DOCK1: variants seen among roughly 807,000 people sequenced by gnomAD.
DOCK1 encodes dedicator of cytokinesis protein 1.
A neutral mutation model predicts 262.7 loss-of-function variants in DOCK1; 138 were observed. That is an observed-to-expected ratio of 0.53 (90% CI 0.46 to 0.61). DOCK1 has a LOEUF of 0.61. Ranked by LOEUF, DOCK1 falls within the 20% of genes least tolerant of loss-of-function variation. The probability of loss-of-function intolerance (pLI) is 0.00; values close to 1 mark genes in which losing one functional copy is unlikely to be tolerated. For missense variants in DOCK1, 1,908 were observed against 2,370.7 expected, an observed-to-expected ratio of 0.80 and a Z score of 4.05; for synonymous variants, 866 against 867.4, an observed-to-expected ratio of 1.00 and a Z score of 0.03.
In DOCK1 at chr10:127,165,644, A is replaced by C. The variant is rs72834691; in HGVS notation, c.2847+37880A>C. On this transcript the variant is annotated intron_variant, in intron 27 of 51. Coordinates refer to ENST00000623213, the MANE Select transcript of DOCK1 (RefSeq NM_001290223.2). ...TGTTGTTCACATGGATGTGGACATC[A>C]ATATGAGGAAGGAAGAGCCAGACAG... Among the ~76,000 whole-genome samples the C allele has an allele frequency of 2.1e-3, 319 of 152,282 alleles. 2 individuals carry two copies. Among genetic ancestry groups the C allele is most frequent in the Non-Finnish European group, 3.9e-3 (264 of 68,018 alleles).
chr10:127,433,399 C>G lies in DOCK1; in HGVS notation c.5031C>G (p.Asp1677Glu), dbSNP rs753753747. Residue 1677 changes from aspartate (D) to glutamate (E), a missense_variant, in exon 48 of 52, where the codon GAC becomes GAG. Physicochemically the swap from Asp to Glu is conservative, Grantham distance 45. Transcript: ENST00000623213. ...SVASVSSLSS[D>E]STPSRPGSDG... is the part of the protein sequence containing the mutation. Reference sequence around the variant, plus strand: ...CCTCTGTCTCTTCCCTCTCATCGGACAGCACCCCTTCCAGACCAGGCTCCG... The same window carrying G: ...CCTCTGTCTCTTCCCTCTCATCGGAGAGCACCCCTTCCAGACCAGGCTCCG... The G allele has an allele frequency of 1.2e-6, 2 of 1,614,006 alleles. No homozygotes were observed. The highest frequency in any genetic ancestry group is 1.7e-6 in the Non-Finnish European group (2 of 1,179,898).
intron 4 of DOCK1, among the ~76,000 whole-genome samples, chr10:126,983,944 T>A (rs61875509): frequency 0.21 from 32,198 of 152,168 alleles, 3,827 homozygotes; most frequent in Middle Eastern, 0.34. Context: ...CCTCTGCCTC[T>A]GGAGCTCCAC....
chr10:127,059,240 C>G (rs2045375271), intron 22 of DOCK1, among the ~76,000 whole-genome samples: 1 of 152,000 alleles, frequency 6.6e-6, no homozygotes, highest in African/African-American at 2.4e-5. Context: ...TAGTTTGTCT[C>G]CTTTTCTGTG....
intron 25 of DOCK1, among the ~76,000 whole-genome samples, chr10:127,125,221 A>G (rs552398986): frequency 6.6e-6 from 1 of 152,356 alleles, no homozygotes; most frequent in Admixed American, 6.5e-5. Context: ...TATATCATGT[A>G]TGCTTGCAAA....
intron 28 of DOCK1, among the ~76,000 whole-genome samples, chr10:127,256,816 G>A (rs564255210): frequency 2.0e-5 from 3 of 152,276 alleles, no homozygotes; most frequent in African/African-American, 4.8e-5. Context: ...CAACACGGCT[G>A]CACACTCAAA....
At chr10:127,256,507 A>G (rs1048727064) in intron 28 of DOCK1, among the ~76,000 whole-genome samples, 6 of 152,124 alleles carry the variant, frequency 3.9e-5, no homozygotes, top group Non-Finnish European at 8.8e-5. Context: ...GCTTGGGGCT[A>G]CCAGGGATGT....
chr10:127,072,736 CTT>C (rs749891563), intron 23 of DOCK1, among the ~76,000 whole-genome samples: 3 of 152,154 alleles, frequency 2.0e-5, no homozygotes, highest in Non-Finnish European at 2.9e-5. Context: ...GCACCAAAGA[CTT>C]TGATGCGTGT....
At chr10:127,069,533 G>C (rs892937172) in intron 23 of DOCK1, among the ~76,000 whole-genome samples, 1 of 152,140 alleles carries the variant, frequency 6.6e-6, no homozygotes, top group South Asian at 2.1e-4. Flanking sequence ...GTGGAGGAGG[G>C]GGTGCACTGA....
intron 29 of DOCK1, among the ~76,000 whole-genome samples, chr10:127,295,390 A>T (rs563798645): frequency 6.6e-6 from 1 of 152,236 alleles, no homozygotes; most frequent in East Asian, 1.9e-4. Context: ...GAAGGCACCA[A>T]GTTATTCATA....
Position 126,996,778 on chromosome 10 carries a change from T to C in DOCK1, c.504T>C (p.Asp168=), listed in dbSNP as rs780629046. ...TAGATTTGGACCTGGTGGTTAGAGA[T>C]GAAGATGGGAATATTTTGGATCCAG... ...RILDLDLVVR[D]EDGNILDPEL... is the part of the protein sequence containing the mutation. Residue 168 remains aspartate, a synonymous_variant, in exon 7 of 52, where the codon GAT becomes GAC. Transcript: ENST00000623213. 3.1e-6 allele frequency: 5 copies of C among 1,612,350 alleles called. No individual in the cohort carries two copies. In the South Asian group the frequency reaches 4.4e-5, roughly 14 times the overall value.
chr10:127,356,610 G>A (rs748930941), intron 32 of DOCK1, among the ~76,000 whole-genome samples: 1 of 151,334 alleles, frequency 6.6e-6, no homozygotes, highest in East Asian at 1.9e-4. Flanking sequence ...GGTCCCATGA[G>A]AGAGAGAGAG....
At chr10:127,079,395 CCAAA>C (rs1408192339) in intron 23 of DOCK1, among the ~76,000 whole-genome samples, 1 of 152,202 alleles carries the variant, frequency 6.6e-6, no homozygotes, top group Non-Finnish European at 1.5e-5. Context: ...TTCTCTCTCT[CCAAA>C]CAAAGTGGTT....
At position 127,418,645 on chromosome 10, in the gene DOCK1, G is replaced by A. The variant is rs2068304606; in HGVS notation, c.4692+104G>A. On this transcript the variant is annotated intron_variant, in intron 45 of 51. Transcript: ENST00000623213. ...CCAGAAACGCCCCTGGTCTCATTGA[G>A]CAATCTCAGCAGTGGCCCAGCCAAG... 14 of 1,373,786 alleles carry A rather than the reference G, an allele frequency of 1.0e-5. No individual in the cohort carries two copies. In the South Asian group the frequency reaches 1.7e-4, roughly 16 times the overall value. The allele number at this position is 1,373,786 out of a possible 1,614,324, so 85.1% of individuals were successfully genotyped here. A position where few individuals can be genotyped will look rare whatever the true frequency, so the allele number is the denominator to read the frequency against.
chr10:127,451,097 G>A (rs575857595), intron 51 of DOCK1, among the ~76,000 whole-genome samples: 1 of 152,230 alleles, frequency 6.6e-6, no homozygotes, highest in South Asian at 2.1e-4. Context: ...CCTCTCAGGG[G>A]CTGTGCAGAC....
intron 29 of DOCK1, among the ~76,000 whole-genome samples, chr10:127,275,439 G>A (rs571998358): frequency 6.6e-6 from 1 of 152,182 alleles, no homozygotes; most frequent in Non-Finnish European, 1.5e-5. Flanking sequence ...AGGAAGGCAT[G>A]GAAGGAGGTA....
intron 33 of DOCK1, among the ~76,000 whole-genome samples, chr10:127,371,652 A>G (rs1209659552): frequency 2.6e-5 from 4 of 152,178 alleles, no homozygotes; most frequent in African/African-American, 4.8e-5. Flanking sequence ...ATGAAATTGA[A>G]TCATGTTTTG....
At chr10:127,149,709 C>CAA (rs59453664) in intron 27 of DOCK1, among the ~76,000 whole-genome samples, 108,869 of 152,020 alleles carry the variant, frequency 0.72, 43,693 homozygotes, top group South Asian at 0.9. Context: ...CAGGGTATGA[C>CAA]ATTACAATGT....
rs890833304 is a variant in DOCK1, at chr10:127,437,476, A to G, written c.5061-1551A>G. ...GGGGAGCAAGATTGCTGCAATGACC[A>G]TCTTTTTTTTTTTTTTTTTTTTTGA... On this transcript the variant is annotated intron_variant, in intron 48 of 51. Transcript: ENST00000623213. This position sits in a 1 kb window ranked among gnomAD's most constrained non-coding sequence, Gnocchi z 4.4. 6.5e-5 allele frequency among the ~76,000 whole-genome samples: 5 copies of G among 77,034 alleles called. No individual in the cohort carries two copies. Among genetic ancestry groups the G allele is most frequent in the African/African-American group, 2.8e-4 (3 of 10,840 alleles). The allele number at this position is 77,034 out of a possible 152,430, so 50.5% of individuals were successfully genotyped here.
At chr10:127,420,175 G>A (rs145475663) in intron 46 of DOCK1, among the ~76,000 whole-genome samples, 9 of 152,294 alleles carry the variant, frequency 5.9e-5, no homozygotes, top group African/African-American at 2.2e-4. Context: ...CCTGTTCTCC[G>A]TGCACCTCTG....
Sources: gnomAD v4.1 joint callset for allele counts (sites outside exome capture counted in the v4.1 genomes callset) on GRCh38, gnomAD v4.1.1 for gene constraint, Gnocchi (gnomAD v3.1) non-coding constraint, MANE v1.5 for transcripts, NCBI Gene and HGNC (gene_info 2026-07-23, HGNC 2026-07-21) for gene names.